Variants in SGCZ observed in about 807,000 individuals in gnomAD.
SGCZ encodes the protein sarcoglycan zeta.
In SGCZ, 40 loss-of-function variants were observed where a neutral mutation model predicts 41.3. The observed-to-expected ratio is 0.97, with a 90% CI of 0.75 to 1.26. SGCZ has a LOEUF of 1.26. Ranked by LOEUF, SGCZ falls within the 50% of genes most tolerant of loss-of-function variation. SGCZ has a pLI of 0.00. For missense variants in SGCZ, 552 were observed against 369.8 expected, an observed-to-expected ratio of 1.49 and a Z score of -4.04; for synonymous variants, 206 against 137.5, an observed-to-expected ratio of 1.50 and a Z score of -3.49.
intron 1 of SGCZ, among the ~76,000 whole-genome samples, chr8:15,231,612 T>TC (rs1351260478): frequency 1.0e-4 from 12 of 118,116 alleles, no homozygotes; most frequent in Non-Finnish European, 1.8e-4. Flanking sequence ...AATATATTCT[T>TC]TTTTTTTTTT....
chr8:14,680,967 A>AAAAAAAAC (rs1279690556), intron 1 of SGCZ, among the ~76,000 whole-genome samples: 3 of 99,888 alleles, frequency 3.0e-5, no homozygotes, highest in South Asian at 3.4e-4. Flanking sequence ...AGAGTGGGAA[A>AAAAAAAAC]AAAAAAAAAA....
chr8:14,186,419 C>T (rs1455688766), intron 4 of SGCZ, among the ~76,000 whole-genome samples: 1 of 152,180 alleles, frequency 6.6e-6, no homozygotes, highest in Non-Finnish European at 1.5e-5. Context: ...AATCCTTCTT[C>T]ATCTATGTCA....
chr8:14,306,635 A>C (rs906913134), intron 3 of SGCZ, among the ~76,000 whole-genome samples: 2 of 152,196 alleles, frequency 1.3e-5, no homozygotes, highest in African/African-American at 4.8e-5. Context: ...GGCAAATCAC[A>C]GATACATGAG....
chr8:14,521,794 G>A (rs888129387), intron 2 of SGCZ, among the ~76,000 whole-genome samples: 4 of 152,032 alleles, frequency 2.6e-5, no homozygotes, highest in African/African-American at 9.7e-5. Flanking sequence ...CCAACACTAT[G>A]TTGAATAAGA....
chr8:14,302,292 G>C (rs951711486), intron 3 of SGCZ, among the ~76,000 whole-genome samples: 1 of 152,028 alleles, frequency 6.6e-6, no homozygotes, highest in Non-Finnish European at 1.5e-5. Context: ...ATTTTCTCTT[G>C]AATTGATTGA....
chr8:14,619,794 C>T (rs1172125554), intron 1 of SGCZ, among the ~76,000 whole-genome samples: 2 of 152,064 alleles, frequency 1.3e-5, no homozygotes, highest in Non-Finnish European at 2.9e-5. Flanking sequence ...TAAAAGAGGA[C>T]ACAAACAAAT....
chr8:15,011,356 GA>G (rs1288366353), intron 1 of SGCZ, among the ~76,000 whole-genome samples: 1 of 152,086 alleles, frequency 6.6e-6, no homozygotes, highest in Non-Finnish European at 1.5e-5. Flanking sequence ...AGTCCACAAG[GA>G]AAGCATCCTC....
At chr8:14,108,332 A>AAACTT in intron 5 of SGCZ, 97 bp from the exon 6 acceptor site, 1 of 1,056,116 alleles carries the variant, frequency 9.5e-7, no homozygotes, top group South Asian at 1.4e-5. Context: ...AAAACAGAGA[A>AAACTT]AACTTAAAAC....
intron 2 of SGCZ, among the ~76,000 whole-genome samples, chr8:14,344,976 G>A (rs1802844519): frequency 6.6e-6 from 1 of 151,912 alleles, no homozygotes; most frequent in Admixed American, 6.6e-5. Context: ...TTCACTTGTA[G>A]GCATACACAC....
At chr8:14,853,260 A>C (rs1399833853) in intron 1 of SGCZ, among the ~76,000 whole-genome samples, 2 of 152,192 alleles carry the variant, frequency 1.3e-5, no homozygotes, top group African/African-American at 4.8e-5. Context: ...CAAAATGCTC[A>C]TGTGAGGAAA....
chr8:14,530,763 C>A (rs11994890), intron 2 of SGCZ, among the ~76,000 whole-genome samples: 17,864 of 145,088 alleles, frequency 0.12, 1,253 homozygotes, highest in East Asian at 0.29. Context: ...CTGGACCATC[C>A]CTTTAGCCCA....
intron 1 of SGCZ, among the ~76,000 whole-genome samples, chr8:15,052,803 A>G (rs117991813): frequency 0.023 from 3,503 of 152,188 alleles, 54 homozygotes; most frequent in Middle Eastern, 0.044. Context: ...TTGACCCCAA[A>G]TTTTCCAAGA....
chr8:14,680,298 A>G (rs373789641), intron 1 of SGCZ, among the ~76,000 whole-genome samples: 80 of 152,248 alleles, frequency 5.3e-4, no homozygotes, highest in African/African-American at 1.9e-3. Flanking sequence ...TAAACTTAAC[A>G]AAACCCATAG....
intron 1 of SGCZ, among the ~76,000 whole-genome samples, chr8:14,612,893 C>A (rs1805975027): frequency 6.6e-6 from 1 of 152,086 alleles, no homozygotes; most frequent in Non-Finnish European, 1.5e-5. Flanking sequence ...ACCATGTTGC[C>A]CAGGGTAGCC....
chr8:14,382,522 C>T (rs144870953), intron 2 of SGCZ, among the ~76,000 whole-genome samples: 4 of 152,098 alleles, frequency 2.6e-5, no homozygotes, highest in African/African-American at 9.7e-5. Flanking sequence ...CAACTCCCTC[C>T]CCTAAAACTC....
intron 3 of SGCZ, among the ~76,000 whole-genome samples, chr8:14,260,712 A>G (rs1175584299): frequency 1.3e-5 from 2 of 152,236 alleles, no homozygotes; most frequent in African/African-American, 2.4e-5. Context: ...GTCCAACCAT[A>G]ATAGACTGGA....
chr8:14,847,180 GA>G (rs1803159046), intron 1 of SGCZ, among the ~76,000 whole-genome samples: 5 of 144,752 alleles, frequency 3.5e-5, no homozygotes, highest in Admixed American at 1.4e-4. Context: ...AGAAGAAGAA[GA>G]AGAAGAGAAA....
chr8:14,539,151 T>G (rs1276934530), intron 2 of SGCZ, among the ~76,000 whole-genome samples: 2 of 151,984 alleles, frequency 1.3e-5, no homozygotes, highest in Non-Finnish European at 2.9e-5. Flanking sequence ...AAGATAGAAT[T>G]CGGCCAGCAG....
chr8:15,054,580 C>A (rs988245993), intron 1 of SGCZ, among the ~76,000 whole-genome samples: 2 of 152,048 alleles, frequency 1.3e-5, no homozygotes, highest in Admixed American at 1.3e-4. Flanking sequence ...AACATGCTGG[C>A]GTTGTATTAA....
Sources: allele counts gnomAD v4.1 joint callset (sites outside exome capture counted in the v4.1 genomes callset), GRCh38; gene constraint gnomAD v4.1.1; transcripts MANE v1.5; gene names NCBI Gene and HGNC (gene_info 2026-07-23, HGNC 2026-07-21).